RBFOX1: variants seen among roughly 807,000 people sequenced by gnomAD.
RBFOX1 encodes the protein RNA binding fox-1 homolog 1, also known as RNA binding protein fox-1 homolog 1.
In RBFOX1, 8 loss-of-function variants were observed where a neutral mutation model predicts 57.7. That is an observed-to-expected ratio of 0.14 (90% CI 0.08 to 0.25). RBFOX1 has a LOEUF of 0.25. Ranked by LOEUF, RBFOX1 falls within the 10% of genes least tolerant of loss-of-function variation. RBFOX1 has a pLI of 1.00. For synonymous variants in RBFOX1, 326 were observed against 222.4 expected (o/e 1.47, Z -4.15); for missense variants, 611 against 548.5 (o/e 1.11, Z -1.14).
At chr16:6,161,080 A>T (rs564586444) in intron 1 of RBFOX1, among the ~76,000 whole-genome samples, 39 of 152,246 alleles carry the variant, frequency 2.6e-4, no homozygotes, top group African/African-American at 9.4e-4. Context: ...AATCATTGTT[A>T]AATAAATAAA....
In RBFOX1 at chr16:6,264,672, C is replaced by T. The variant is rs115720362; in HGVS notation, c.-126-52323C>T. ...TTCCCCTTCCTTGTCTTCAGTAATC[C>T]GGATCACTGGATAGAAGCCACACCC... On this transcript the variant is annotated intron_variant, in intron 1 of 15. Coordinates refer to ENST00000550418, the MANE Select transcript of RBFOX1 (RefSeq NM_018723.4). Among the ~76,000 whole-genome samples the T allele has an allele frequency of 2.6e-3, 397 of 152,282 alleles. 2 individuals carry two copies. Among genetic ancestry groups the T allele is most frequent in the African/African-American group, 9.2e-3 (384 of 41,562 alleles).
chr16:6,011,155 A>T (rs746236353), intron 4 of RBFOX1, among the ~76,000 whole-genome samples: 7 of 152,216 alleles, frequency 4.6e-5, no homozygotes, highest in Non-Finnish European at 8.8e-5. Context: ...TAATAGAGGG[A>T]ACATTTTCGC....
chr16:7,033,635 TAAC>T, intron 3 of RBFOX1, among the ~76,000 whole-genome samples: 1 of 152,178 alleles, frequency 6.6e-6, no homozygotes, highest in Non-Finnish European at 1.5e-5. Context: ...TGGGGCAACT[TAAC>T]AGAAACAAAA....
chr16:5,885,808 A>T lies in RBFOX1; in HGVS notation c.351+18473A>T, dbSNP rs112954603. 6.9e-3 allele frequency among the ~76,000 whole-genome samples: 1,057 copies of T among 152,270 alleles called. 16 individuals carry two copies. The highest frequency in any genetic ancestry group is 0.025 in the African/African-American group (1,019 of 41,544). ...ATCTGCATCAGACCAGGTGCCCTAA[A>T]GTATCTAGGTGCTGCTGCTCTGAAC... On this transcript the variant is annotated intron_variant, in intron 4 of 19. Coordinates refer to the RBFOX1 transcript ENST00000641259.
intron 14 of RBFOX1, among the ~76,000 whole-genome samples, chr16:7,679,301 TTC>T (rs1568421866): frequency 2.6e-5 from 4 of 152,208 alleles, no homozygotes; most frequent in African/African-American, 9.6e-5. Flanking sequence ...TACCTATAAT[TTC>T]TCTCAGAAGT....
chr16:5,985,540 A>C (rs1596346916), intron 4 of RBFOX1, among the ~76,000 whole-genome samples: 1 of 152,316 alleles, frequency 6.6e-6, no homozygotes, highest in South Asian at 2.1e-4. Flanking sequence ...GCACCCATCT[A>C]ATAGCAGAGG....
intron 1 of RBFOX1, among the ~76,000 whole-genome samples, chr16:5,438,693 T>C (rs902023077): frequency 1.3e-5 from 2 of 152,116 alleles, no homozygotes; most frequent in Non-Finnish European, 2.9e-5. Context: ...TCACTCTGTT[T>C]TGGAGCACAC....
chr16:5,630,626 C>T (rs1193243699), intron 3 of RBFOX1, among the ~76,000 whole-genome samples: 2 of 152,078 alleles, frequency 1.3e-5, no homozygotes, highest in African/African-American at 2.4e-5. Context: ...CTGAAGTTTC[C>T]ATTGATTGGT....
intron 11 of RBFOX1, among the ~76,000 whole-genome samples, chr16:7,635,381 C>A (rs181772260): frequency 2.0e-5 from 3 of 152,130 alleles, no homozygotes; most frequent in Admixed American, 6.5e-5. Flanking sequence ...TTTTAAATTA[C>A]AATAGTAACA....
At chr16:5,496,451 C>G (rs748425253) in intron 2 of RBFOX1, among the ~76,000 whole-genome samples, 1 of 152,112 alleles carries the variant, frequency 6.6e-6, no homozygotes, top group Non-Finnish European at 1.5e-5. Context: ...ATGTGTCCAT[C>G]TCAGAGAGGC....
intron 3 of RBFOX1, among the ~76,000 whole-genome samples, chr16:5,780,539 C>G (rs895207263): frequency 6.6e-6 from 1 of 151,974 alleles, no homozygotes; most frequent in Non-Finnish European, 1.5e-5. Context: ...TCAATTTAAA[C>G]AATCAATCAA....
intron 2 of RBFOX1, among the ~76,000 whole-genome samples, chr16:6,406,971 T>G (rs2152962199): frequency 6.6e-6 from 1 of 152,320 alleles, no homozygotes; most frequent in South Asian, 2.1e-4. Context: ...GATCCTTGCC[T>G]AACTTCCTGT....
At chr16:5,423,162 C>G (rs1281327110) in intron 1 of RBFOX1, among the ~76,000 whole-genome samples, 1 of 151,854 alleles carries the variant, frequency 6.6e-6, no homozygotes, top group Admixed American at 6.6e-5. Flanking sequence ...TAATTATGGA[C>G]TCAAGAAGTT....
chr16:7,383,719 A>G (rs2097825463), intron 4 of RBFOX1, among the ~76,000 whole-genome samples: 1 of 152,206 alleles, frequency 6.6e-6, no homozygotes, highest in Non-Finnish European at 1.5e-5. Context: ...CGCCTATTCA[A>G]AGGGTATTCA....
intron 1 of RBFOX1, among the ~76,000 whole-genome samples, chr16:5,262,170 A>T (rs940461240): frequency 6.6e-6 from 1 of 152,184 alleles, no homozygotes; most frequent in Admixed American, 6.5e-5. Flanking sequence ...AAGCCTTGAA[A>T]TAAGGGAAGG....
chr16:6,689,905 T>C (rs2059966905), intron 3 of RBFOX1, among the ~76,000 whole-genome samples: 1 of 152,206 alleles, frequency 6.6e-6, no homozygotes, highest in African/African-American at 2.4e-5. Context: ...GAGTGTGTGC[T>C]TGTGTTTGTC....
At chr16:7,639,177 C>T (rs1044242503) in intron 11 of RBFOX1, among the ~76,000 whole-genome samples, 2 of 152,162 alleles carry the variant, frequency 1.3e-5, no homozygotes, top group African/African-American at 4.8e-5. Context: ...TGACATTAGT[C>T]TAAGACCTGC....
At chr16:5,987,208 G>T (rs1314595850) in intron 4 of RBFOX1, among the ~76,000 whole-genome samples, 2 of 152,140 alleles carry the variant, frequency 1.3e-5, no homozygotes, top group East Asian at 3.9e-4. Context: ...TTTGCCTCCT[G>T]TCTAATTGGA....
intron 3 of RBFOX1, among the ~76,000 whole-genome samples, chr16:6,676,837 A>G (rs2057799498): frequency 1.3e-5 from 2 of 151,682 alleles, no homozygotes; most frequent in Admixed American, 1.3e-4. Flanking sequence ...CACCACTCCC[A>G]GCTAATTTTT....
Sources: gnomAD v4.1 joint callset for allele counts (sites outside exome capture counted in the v4.1 genomes callset) on GRCh38, gnomAD v4.1.1 for gene constraint, MANE v1.5 for transcripts, NCBI Gene and HGNC (gene_info 2026-07-23, HGNC 2026-07-21) for gene names.